Variants in TENM3 observed in about 807,000 individuals in gnomAD.
TENM3 encodes the protein teneurin transmembrane protein 3, also known as teneurin-3.
TENM3 carries 63 observed loss-of-function variants against 255.1 expected under a neutral mutation model. The observed-to-expected ratio is 0.25, with a 90% confidence interval of 0.20 to 0.30. The LOEUF is 0.30. Ranked by LOEUF, TENM3 falls within the 10% of genes least tolerant of loss-of-function variation. The probability of loss-of-function intolerance (pLI) is 1.00; values close to 1 mark genes in which losing one functional copy is unlikely to be tolerated. For synonymous variants in TENM3, 1,306 were observed against 1,322.3 expected (o/e 0.99, Z 0.27); for missense variants, 2,929 against 3,461.1 (o/e 0.85, Z 3.86).
At chr4:182,169,311 C>T in intron 1 of TENM3, 1 of 480,170 alleles carries the variant, frequency 2.1e-6, no homozygotes, top group Admixed American at 2.3e-5. Flanking sequence ...GCTGTTTCTA[C>T]CATTAGTTTT....
At chr4:181,648,970 C>T in the TENM3 span, among the ~76,000 whole-genome samples, 4 of 152,176 alleles carry the variant, frequency 2.6e-5, no homozygotes, top group East Asian at 7.7e-4. Flanking sequence ...AATATGTCCT[C>T]CTTCATTTGT....
chr4:181,458,622 T>G, the TENM3 span, among the ~76,000 whole-genome samples: 2 of 151,956 alleles, frequency 1.3e-5, no homozygotes, highest in African/African-American at 4.8e-5. Context: ...TTATGACCAC[T>G]TGGCCTCCCC....
rs887100602 is a variant in TENM3 at position 182,773,815 on chromosome 4, A to T, written c.5068+168A>T. On this transcript the variant is annotated intron_variant, in intron 23 of 27. Coordinates refer to ENST00000511685, the MANE Select transcript of TENM3 (RefSeq NM_001080477.4). Reference sequence around the variant, plus strand: ...ATGTAATATTTATTTACTTGTATAGACATATTTTAAAACCACATATAAGAT... The same window carrying T: ...ATGTAATATTTATTTACTTGTATAGTCATATTTTAAAACCACATATAAGAT... The T allele has an allele frequency of 1.2e-5, 6 of 518,346 alleles. No individual in the cohort carries two copies. In the South Asian group the frequency reaches 1.7e-4, roughly 14 times the overall value. 32.1% of individuals were successfully genotyped at this position (518,346 alleles called of 1,614,324 possible). A position where few individuals can be genotyped will look rare whatever the true frequency, so the allele number is the denominator to read the frequency against.
intron 19 of TENM3, among the ~76,000 whole-genome samples, chr4:182,748,195 A>G (rs1762141375): frequency 6.6e-6 from 1 of 152,198 alleles, no homozygotes; most frequent in Non-Finnish European, 1.5e-5. Context: ...GTAATATACT[A>G]AAGGTTCTTA....
At chr4:182,439,263 C>T (rs1159884595) in intron 3 of TENM3, among the ~76,000 whole-genome samples, 1 of 152,206 alleles carries the variant, frequency 6.6e-6, no homozygotes, top group African/African-American at 2.4e-5. Flanking sequence ...ACTCTCCCTT[C>T]TCTCCTCTTT....
chr4:181,464,300 C>T, the TENM3 span, among the ~76,000 whole-genome samples: 9 of 152,300 alleles, frequency 5.9e-5, no homozygotes, highest in East Asian at 1.5e-3. Context: ...TCTTCATATC[C>T]TCACTAACAA....
the TENM3 span, among the ~76,000 whole-genome samples, chr4:181,893,562 T>C: frequency 7.3e-6 from 1 of 136,402 alleles, no homozygotes; most frequent in Non-Finnish European, 1.5e-5. Context: ...TAGGCATCAA[T>C]AAATGCAAAG....
At chr4:181,803,983 AAGAAAGAAAG>A in the TENM3 span, among the ~76,000 whole-genome samples, 4 of 149,230 alleles carry the variant, frequency 2.7e-5, no homozygotes, top group African/African-American at 9.8e-5. Flanking sequence ...AAAGGAAAGA[AAGAAAGAAAG>A]AGAAAGATAA....
At chr4:182,506,660 C>A (rs536368774) in intron 3 of TENM3, among the ~76,000 whole-genome samples, 112 of 152,130 alleles carry the variant, frequency 7.4e-4, no homozygotes, top group Middle Eastern at 3.4e-3. Context: ...TACATGTACT[C>A]CAAATATATT....
intron 3 of TENM3, among the ~76,000 whole-genome samples, chr4:182,528,048 C>G (rs1278389398): frequency 6.6e-6 from 1 of 152,202 alleles, no homozygotes; most frequent in Non-Finnish European, 1.5e-5. Flanking sequence ...TTTTAAAAAT[C>G]CTTTCCAACC....
the TENM3 span, among the ~76,000 whole-genome samples, chr4:182,066,860 G>T: frequency 1.3e-5 from 2 of 152,230 alleles, no homozygotes; most frequent in South Asian, 4.1e-4. Flanking sequence ...GCAGTGAGCC[G>T]AGATCGCACC....
At chr4:181,786,359 A>T in the TENM3 span, among the ~76,000 whole-genome samples, 8 of 152,202 alleles carry the variant, frequency 5.3e-5, no homozygotes, top group East Asian at 1.5e-3. Context: ...ATGCACACAC[A>T]TGTGCACGGG....
At chr4:182,241,914 T>G (rs1365834402), upstream of TENM3, among the ~76,000 whole-genome samples, 1 of 152,048 alleles carries the variant, frequency 6.6e-6, no homozygotes, top group Non-Finnish European at 1.5e-5. Flanking sequence ...AATAACCTCT[T>G]TATTCCTGAA....
intron 2 of TENM3, 105 bp from the exon 3 acceptor site, chr4:182,346,546 T>G: frequency 9.5e-7 from 1 of 1,050,158 alleles, no homozygotes; most frequent in Non-Finnish European, 1.3e-6. Flanking sequence ...AGCCTAAATG[T>G]TTGAGTGTTT....
the TENM3 span, among the ~76,000 whole-genome samples, chr4:181,574,898 G>C: frequency 3.3e-5 from 5 of 152,028 alleles, no homozygotes; most frequent in African/African-American, 1.2e-4. Context: ...TTATGGAGAT[G>C]CCAATATATT....
chr4:181,839,384 T>TATATATATATATACACAC, the TENM3 span, among the ~76,000 whole-genome samples: 1 of 83,458 alleles, frequency 1.2e-5, no homozygotes, highest in Non-Finnish European at 2.3e-5. Context: ...TATATATATA[T>TATATATATATATACACAC]ACACCTATAT....
chr4:182,388,284 A>T (rs988379449), intron 3 of TENM3, among the ~76,000 whole-genome samples: 2 of 152,144 alleles, frequency 1.3e-5, no homozygotes, highest in Non-Finnish European at 2.9e-5. Flanking sequence ...GCCTGGCCTC[A>T]TCAAGACTTC....
chr4:181,721,214 C>T, the TENM3 span, among the ~76,000 whole-genome samples: 1 of 151,598 alleles, frequency 6.6e-6, no homozygotes, highest in African/African-American at 2.4e-5. Context: ...GTAAGATTGG[C>T]AGGAGATGAT....
At chr4:182,280,529 G>A (rs1760314224) in intron 1 of TENM3, among the ~76,000 whole-genome samples, 1 of 152,074 alleles carries the variant, frequency 6.6e-6, no homozygotes, top group Non-Finnish European at 1.5e-5. Context: ...CTATTTTTAT[G>A]GAAAATCTAT....
Sources: gnomAD v4.1 joint callset for allele counts (sites outside exome capture counted in the v4.1 genomes callset) on GRCh38, gnomAD v4.1.1 for gene constraint, MANE v1.5 for transcripts, NCBI Gene and HGNC (gene_info 2026-07-23, HGNC 2026-07-21) for gene names.